Variants in PTPN14 observed in about 807,000 individuals in gnomAD.
The protein encoded by PTPN14 is tyrosine-protein phosphatase non-receptor type 14.
Under a neutral mutation model 126.8 loss-of-function variants are expected in PTPN14, and 53 were observed. The observed-to-expected ratio is 0.42, with a 90% CI of 0.34 to 0.53. The LOEUF (loss-of-function observed/expected upper bound fraction) is 0.53. PTPN14 is among the 20% of genes least tolerant of loss of function. The pLI, the probability that PTPN14 is intolerant of heterozygous loss-of-function variation, is 0.08. For missense variants in PTPN14, 1,257 were observed against 1,552.9 expected (o/e 0.81, Z 3.20); for synonymous variants, 630 against 599.3 (o/e 1.05, Z -0.75).
chr1:214,404,639 T>G (rs192997020), intron 5 of PTPN14, among the ~76,000 whole-genome samples: 161 of 152,198 alleles, frequency 1.1e-3, no homozygotes, highest in Non-Finnish European at 5.3e-4. Context: ...CTTAACCGCC[T>G]CCATCTGCAC....
chr1:214,440,034 G>A (rs1304665316), intron 3 of PTPN14, among the ~76,000 whole-genome samples: 1 of 152,146 alleles, frequency 6.6e-6, no homozygotes, highest in African/African-American at 2.4e-5. Flanking sequence ...CAGCTAAGGG[G>A]AGGGGAGGGG....
At chr1:214,421,046 C>G (rs539862717) in intron 3 of PTPN14, among the ~76,000 whole-genome samples, 13 of 152,344 alleles carry the variant, frequency 8.5e-5, no homozygotes, top group African/African-American at 3.1e-4. Context: ...AGCAATTATG[C>G]TCCTCAGTAT....
At chr1:214,467,902 CT>C (rs1660676187) in intron 1 of PTPN14, among the ~76,000 whole-genome samples, 2 of 152,034 alleles carry the variant, frequency 1.3e-5, no homozygotes, top group South Asian at 4.1e-4. Flanking sequence ...GAAAATTGGT[CT>C]GGTCCTTTTA....
At chr1:214,502,058 C>CAA (rs60034306) in intron 1 of PTPN14, among the ~76,000 whole-genome samples, 122 of 70,060 alleles carry the variant, frequency 1.7e-3, no homozygotes, top group East Asian at 2.7e-3. Flanking sequence ...GGCTCTGTCT[C>CAA]AAAAAAAAAA....
Position 214,470,784 on chromosome 1 carries a change from C to CAA in PTPN14, c.-154-5829_-154-5828dup, listed in dbSNP as rs71165975. 6.9e-3 allele frequency among the ~76,000 whole-genome samples: 710 copies of CAA among 102,776 alleles called. 25 individuals are homozygous for CAA. Among genetic ancestry groups the CAA allele is most frequent in the Middle Eastern group, 0.045 (6 of 134 alleles). The allele number at this position is 102,776 out of a possible 152,430, so 67.4% of individuals were successfully genotyped here. A position where few individuals can be genotyped will look rare whatever the true frequency, so the allele number is the denominator to read the frequency against. The stretch of plus-strand genomic sequence containing the variant: ...GGGCAATAAGAGTGAAATTCCATCT[C>CAA]AAAAAAAAAAAAAAAAACTGCACTT... On this transcript the variant is annotated intron_variant, in intron 1 of 18. Transcript: ENST00000366956.
chr1:214,541,668 T>C (rs1655840910), intron 1 of PTPN14, among the ~76,000 whole-genome samples: 1 of 152,214 alleles, frequency 6.6e-6, no homozygotes, highest in Admixed American at 6.5e-5. Context: ...GTCCATTTCC[T>C]ACCCAAAAGC....
At chr1:214,532,047 A>T (rs1040104856) in intron 1 of PTPN14, 1 of 160,180 alleles carries the variant, frequency 6.2e-6, no homozygotes, top group East Asian at 1.9e-4. Context: ...TTGAGATAAA[A>T]GTTATAAAAC....
intron 1 of PTPN14, among the ~76,000 whole-genome samples, chr1:214,490,856 A>AG (rs1347395870): frequency 3.8e-5 from 1 of 26,130 alleles, no homozygotes; most frequent in Non-Finnish European, 6.6e-5. Flanking sequence ...AAAGGAAGGG[A>AG]AGGGAGGGGA....
intron 3 of PTPN14, among the ~76,000 whole-genome samples, chr1:214,434,942 ACGCC>A (rs1183566048): frequency 1.4e-4 from 21 of 152,184 alleles, no homozygotes; most frequent in Non-Finnish European, 1.5e-5. Context: ...ATGATTTGTA[ACGCC>A]CTTATCCTTA....
chr1:214,373,835 G>A (rs1417709946), intron 15 of PTPN14, among the ~76,000 whole-genome samples: 6 of 152,090 alleles, frequency 3.9e-5, no homozygotes, highest in Admixed American at 2.6e-4. Flanking sequence ...GAGATGCTAC[G>A]AATGCTCTTG....
At chr1:214,471,025 C>CAAAAAAAAAAAAACAAAAA (rs1660745480) in intron 1 of PTPN14, among the ~76,000 whole-genome samples, 1 of 129,306 alleles carries the variant, frequency 7.7e-6, no homozygotes, top group African/African-American at 2.9e-5. Context: ...AATTCCATCT[C>CAAAAAAAAAAAAACAAAAA]AAAAAAAAAA....
chr1:214,478,720 T>A (rs746478708), intron 1 of PTPN14, among the ~76,000 whole-genome samples: 22 of 152,186 alleles, frequency 1.4e-4, no homozygotes, highest in Non-Finnish European at 2.9e-4. Flanking sequence ...TAAAGACTTT[T>A]ACGTGTATTT....
intron 13 of PTPN14, 50 bp from the exon 14 acceptor site, chr1:214,378,152 G>A (rs774011819): frequency 1.3e-6 from 2 of 1,545,142 alleles, no homozygotes; most frequent in Admixed American, 1.9e-5. Context: ...CTAGTAGAAT[G>A]TTGGAATGTG....
At chr1:214,470,264 G>A (rs1660724460) in intron 1 of PTPN14, among the ~76,000 whole-genome samples, 1 of 152,080 alleles carries the variant, frequency 6.6e-6, no homozygotes, top group African/African-American at 2.4e-5. Flanking sequence ...ACTCCAGCTA[G>A]GCAATACAGC....
chr1:214,456,657 A>G (rs1023287662), intron 2 of PTPN14, among the ~76,000 whole-genome samples: 4 of 152,136 alleles, frequency 2.6e-5, no homozygotes, highest in African/African-American at 9.7e-5. Context: ...AAGAAAAACC[A>G]CTCTTCTGAG....
intron 1 of PTPN14, among the ~76,000 whole-genome samples, chr1:214,515,077 T>A (rs1655067214): frequency 6.6e-6 from 1 of 152,142 alleles, no homozygotes; most frequent in Non-Finnish European, 1.5e-5. Context: ...TCTAAATAAA[T>A]CAAATGGCAA....
At chr1:214,523,155 T>C (rs1655300762) in intron 1 of PTPN14, among the ~76,000 whole-genome samples, 1 of 151,862 alleles carries the variant, frequency 6.6e-6, no homozygotes, top group Non-Finnish European at 1.5e-5. Context: ...GTCAGATCCA[T>C]CTTTATAGAG....
At chr1:214,465,264 A>G (rs780178723) in intron 1 of PTPN14, among the ~76,000 whole-genome samples, 1 of 152,220 alleles carries the variant, frequency 6.6e-6, no homozygotes, top group Non-Finnish European at 1.5e-5. Context: ...ACCAATGTCT[A>G]CGTAACTTCA....
At chr1:214,493,795 G>A (rs1170770421) in intron 1 of PTPN14, among the ~76,000 whole-genome samples, 1 of 152,154 alleles carries the variant, frequency 6.6e-6, no homozygotes, top group Non-Finnish European at 1.5e-5. Flanking sequence ...TGAAATGACA[G>A]AATGATTACA....
Sources: allele counts gnomAD v4.1 joint callset (sites outside exome capture counted in the v4.1 genomes callset), GRCh38; gene constraint gnomAD v4.1.1; transcripts MANE v1.5; gene names NCBI Gene and HGNC (gene_info 2026-07-23, HGNC 2026-07-21).